The following CNTN5 variants were observed in gnomAD, a reference collection of about 807,000 sequenced individuals.
CNTN5 encodes the protein contactin 5.
CNTN5 carries 77 observed loss-of-function variants against 129.1 expected under a neutral mutation model. The observed-to-expected ratio is 0.60, with a 90% CI of 0.50 to 0.72. CNTN5 has a LOEUF of 0.72. CNTN5 is among the 30% of genes least tolerant of loss of function. The pLI is 0.00. For synonymous variants in CNTN5, 509 were observed against 465.6 expected (o/e 1.09, Z -1.20); for missense variants, 1,478 against 1,328.8 (o/e 1.11, Z -1.75).
intron 8 of CNTN5, among the ~76,000 whole-genome samples, chr11:99,977,627 C>T (rs1248813715): frequency 6.6e-6 from 1 of 152,136 alleles, no homozygotes; most frequent in Non-Finnish European, 1.5e-5. Context: ...GGAAATGCCA[C>T]ACCTTTAAAC....
rs1306703170 is a variant in CNTN5 at position 99,355,884 on chromosome 11, T to A, written c.-71+30400T>A. 2.0e-5 allele frequency among the ~76,000 whole-genome samples: 3 copies of A among 151,162 alleles called. No homozygotes were observed. The East Asian group carries it at 5.8e-4, about 29-fold the overall frequency. On this transcript the variant is annotated intron_variant, in intron 2 of 24. Coordinates refer to ENST00000524871, the MANE Select transcript of CNTN5 (RefSeq NM_014361.4). ...CTCTTTCGCCCAGGCCGGAGTGCAG[T>A]GGCGCTATCTCGGCTCACTGCAAGC...
chr11:99,874,618 T>C (rs868511566), intron 6 of CNTN5, among the ~76,000 whole-genome samples: 4 of 152,230 alleles, frequency 2.6e-5, no homozygotes, highest in African/African-American at 9.6e-5. Context: ...TTAGTTGGAA[T>C]ACTTTTAAAA....
chr11:100,084,642 CTG>C (rs1944480239), intron 13 of CNTN5, among the ~76,000 whole-genome samples: 2 of 151,712 alleles, frequency 1.3e-5, no homozygotes, highest in Non-Finnish European at 2.9e-5. Flanking sequence ...GCTTACATCT[CTG>C]TGTTCCAATG....
rs73551356 is a variant in CNTN5, at chr11:99,914,473, T to G, written c.578-1581T>G. On this transcript the variant is annotated intron_variant, in intron 6 of 24. Transcript: ENST00000524871. ...TGTATGTTGTATTATCTCATACATA[T>G]GAAATTCAAAAAGAGACAAGCATAA... Among the ~76,000 whole-genome samples, 990 of 152,126 alleles carry G rather than the reference T, an allele frequency of 6.5e-3. 7 individuals are homozygous for G. The highest frequency in any genetic ancestry group is 0.022 in the African/African-American group (927 of 41,468).
chr11:99,113,787 T>C (rs954354777), intron 1 of CNTN5, among the ~76,000 whole-genome samples: 2 of 152,110 alleles, frequency 1.3e-5, no homozygotes, highest in African/African-American at 4.8e-5. Context: ...CACCATTTCT[T>C]TGGGGGAAAG....
chr11:99,698,262 G>C (rs1359690911), intron 3 of CNTN5, among the ~76,000 whole-genome samples: 4 of 80,020 alleles, frequency 5.0e-5, no homozygotes, highest in African/African-American at 2.0e-4. Flanking sequence ...AATATTTTCT[G>C]TTTAACAGAA....
At chr11:99,089,754 A>C (rs554140801) in intron 1 of CNTN5, among the ~76,000 whole-genome samples, 4 of 152,364 alleles carry the variant, frequency 2.6e-5, no homozygotes, top group African/African-American at 9.6e-5. Context: ...AATACGGGAC[A>C]AATATCCATA....
At chr11:99,275,647 G>T (rs1863393823) in intron 1 of CNTN5, among the ~76,000 whole-genome samples, 1 of 151,578 alleles carries the variant, frequency 6.6e-6, no homozygotes, top group Non-Finnish European at 1.5e-5. Flanking sequence ...GCTCGTCTTG[G>T]CAGAGCTCTC....
intron 1 of CNTN5, among the ~76,000 whole-genome samples, chr11:99,064,993 TTATC>T (rs1185513306): frequency 6.6e-6 from 1 of 152,050 alleles, no homozygotes. Context: ...TTTAATAAAA[TTATC>T]TAATCTAACA....
chr11:100,318,289 A>G (rs1290083505), intron 21 of CNTN5, among the ~76,000 whole-genome samples: 3 of 151,054 alleles, frequency 2.0e-5, no homozygotes, highest in African/African-American at 4.9e-5. Flanking sequence ...ACTCTTCAAC[A>G]TGAATGTGAA....
intron 1 of CNTN5, among the ~76,000 whole-genome samples, chr11:99,037,377 G>A (rs1201971125): frequency 6.6e-6 from 1 of 152,064 alleles, no homozygotes; most frequent in Non-Finnish European, 1.5e-5. Flanking sequence ...ATTTGGCAGT[G>A]TTCCATTAAG....
In CNTN5 at chr11:99,412,360, A is replaced by G. The variant is rs575791873; in HGVS notation, c.-71+86876A>G. On this transcript the variant is annotated intron_variant, in intron 2 of 24. Coordinates refer to ENST00000524871, the MANE Select transcript of CNTN5 (RefSeq NM_014361.4). ...GCCACAAATGTGCCAATTCTAGGGAATATATATAAAGATCCCAACTTCAAG... is the reference window on the plus strand; with the variant it reads ...GCCACAAATGTGCCAATTCTAGGGAGTATATATAAAGATCCCAACTTCAAG... Among the ~76,000 whole-genome samples the G allele has an allele frequency of 1.4e-4, 21 of 152,292 alleles. No homozygotes were observed. The South Asian group carries it at 4.3e-3, about 32-fold the overall frequency.
intron 16 of CNTN5, among the ~76,000 whole-genome samples, chr11:100,231,014 T>A (rs540287194): frequency 1.3e-5 from 2 of 152,234 alleles, no homozygotes; most frequent in African/African-American, 4.8e-5. Flanking sequence ...AAATTCTTAG[T>A]GTGTGGGCTT....
intron 9 of CNTN5, among the ~76,000 whole-genome samples, chr11:100,050,590 C>G (rs561873146): frequency 1.3e-4 from 20 of 151,408 alleles, no homozygotes; most frequent in Admixed American, 4.6e-4. Flanking sequence ...CTAACCTGCA[C>G]ATTGTGCACT....
In CNTN5 at chr11:99,211,234, T is replaced by G. The variant is rs578117876; in HGVS notation, c.-209-114112T>G. On this transcript the variant is annotated intron_variant, in intron 1 of 24. Transcript: ENST00000524871. The stretch of plus-strand genomic sequence containing the variant: ...TTTCATGGTATTCTCTTTCTTTGTT[T>G]AGTCACTTGTTTTGTTTTGGTGAAA... 3.9e-5 allele frequency among the ~76,000 whole-genome samples: 6 copies of G among 152,278 alleles called. No individual in the cohort carries two copies. The East Asian group carries it at 1.2e-3, about 29-fold the overall frequency.
At chr11:99,047,121 A>G (rs374987101) in intron 1 of CNTN5, among the ~76,000 whole-genome samples, 1 of 152,046 alleles carries the variant, frequency 6.6e-6, no homozygotes, top group Non-Finnish European at 1.5e-5. Context: ...AAACATGGCA[A>G]TGATTATCCA....
intron 1 of CNTN5, among the ~76,000 whole-genome samples, chr11:99,091,075 G>T (rs75068343): frequency 0.056 from 8,134 of 146,328 alleles, 306 homozygotes; most frequent in Non-Finnish European, 0.082. Flanking sequence ...TCCTGACTTT[G>T]CAGGAAATGC....
intron 6 of CNTN5, among the ~76,000 whole-genome samples, chr11:99,851,017 AT>A (rs1163284315): frequency 2.8e-5 from 4 of 140,842 alleles, no homozygotes; most frequent in Non-Finnish European, 3.1e-5. Flanking sequence ...TCACTGATTA[AT>A]TTTTTTTTCT....
rs192446079 is a variant in CNTN5, at chr11:99,677,311, A to G, written c.55+121042A>G. ...AAAGCTACCAATGGTGAATGCCTTT[A>G]CATGTTCATGGGAGCTGTTTTTATT... On this transcript the variant is annotated intron_variant, in intron 3 of 24. Coordinates refer to ENST00000524871, the MANE Select transcript of CNTN5 (RefSeq NM_014361.4). 3.7e-3 allele frequency among the ~76,000 whole-genome samples: 542 copies of G among 146,174 alleles called. 7 individuals carry two copies. The highest frequency in any genetic ancestry group is 6.8e-3 in the Middle Eastern group (2 of 292).
Sources: gnomAD v4.1 joint callset for allele counts (sites outside exome capture counted in the v4.1 genomes callset) on GRCh38, gnomAD v4.1.1 for gene constraint, MANE v1.5 for transcripts, NCBI Gene and HGNC (gene_info 2026-07-23, HGNC 2026-07-21) for gene names.